ADGRL2: variants seen among roughly 807,000 people sequenced by gnomAD.
ADGRL2 encodes calcium-independent alpha-latrotoxin receptor 2.
A neutral mutation model predicts 157.4 loss-of-function variants in ADGRL2; 44 were observed. That is an observed-to-expected ratio of 0.28 (90% CI 0.22 to 0.36). The LOEUF is 0.36. Ranked by LOEUF, ADGRL2 falls within the 10% of genes least tolerant of loss-of-function variation. ADGRL2 has a pLI of 1.00. For synonymous variants in ADGRL2, 585 were observed against 624.7 expected, an observed-to-expected ratio of 0.94 and a Z score of 0.95; for missense variants, 1,510 against 1,768.9, an observed-to-expected ratio of 0.85 and a Z score of 2.63.
At chr1:81,985,541 C>G (rs1454330611) in intron 21 of ADGRL2, 186 bp downstream of exon 21, 4 of 376,092 alleles carry the variant, frequency 1.1e-5, no homozygotes, top group Non-Finnish European at 1.9e-5. Flanking sequence ...CAGATTTATC[C>G]TTTCTGACCA....
intron 2 of ADGRL2, among the ~76,000 whole-genome samples, chr1:81,475,508 G>C (rs1044788297): frequency 6.6e-5 from 10 of 152,106 alleles, no homozygotes; most frequent in African/African-American, 2.4e-4. Flanking sequence ...AAAGAATTAG[G>C]AATACCTATT....
intron 3 of ADGRL2, among the ~76,000 whole-genome samples, chr1:81,586,929 T>A (rs1328480991): frequency 6.6e-6 from 1 of 151,988 alleles, no homozygotes; most frequent in African/African-American, 2.4e-5. Flanking sequence ...AGAGGGAAAG[T>A]TATATAATTC....
chr1:81,435,478 T>G (rs1199319515), intron 1 of ADGRL2, among the ~76,000 whole-genome samples: 2 of 152,228 alleles, frequency 1.3e-5, no homozygotes, highest in African/African-American at 4.8e-5. Context: ...TCAAAACACT[T>G]GGAACTTTGA....
chr1:81,593,966 A>G (rs1202452581), intron 3 of ADGRL2, among the ~76,000 whole-genome samples: 1 of 152,198 alleles, frequency 6.6e-6, no homozygotes, highest in Non-Finnish European at 1.5e-5. Flanking sequence ...AGAGGCTTCT[A>G]TATATTTCTG....
At chr1:81,903,787 A>ATT (rs975550034) in intron 2 of ADGRL2, among the ~76,000 whole-genome samples, 2 of 143,004 alleles carry the variant, frequency 1.4e-5, no homozygotes, top group African/African-American at 5.2e-5. Flanking sequence ...ATATATACAC[A>ATT]TTATATATAT....
At chr1:81,842,353 CTTTTTTTTTTT>C (rs71085377) in intron 2 of ADGRL2, among the ~76,000 whole-genome samples, 1 of 54,952 alleles carries the variant, frequency 1.8e-5, no homozygotes, top group East Asian at 6.3e-4. Flanking sequence ...TCTTTTAGCG[CTTTTTTTTTTT>C]TTTTTTTTTT....
At chr1:81,540,046 C>A (rs1304087572) in intron 2 of ADGRL2, among the ~76,000 whole-genome samples, 1 of 152,048 alleles carries the variant, frequency 6.6e-6, no homozygotes, top group Non-Finnish European at 1.5e-5. Context: ...GGTTGTACTG[C>A]TAACTAGCTT....
At chr1:81,687,976 G>A (rs1389570738) in intron 3 of ADGRL2, among the ~76,000 whole-genome samples, 1 of 152,120 alleles carries the variant, frequency 6.6e-6, no homozygotes, top group Non-Finnish European at 1.5e-5. Context: ...TGTTTTGTTT[G>A]AGGAGGCTGA....
intron 3 of ADGRL2, among the ~76,000 whole-genome samples, chr1:81,607,998 A>G (rs2148659861): frequency 6.6e-6 from 1 of 152,262 alleles, no homozygotes; most frequent in Non-Finnish European, 1.5e-5. Flanking sequence ...ACACCTTCAT[A>G]ATATTTCTCT....
intron 17 of ADGRL2, among the ~76,000 whole-genome samples, chr1:81,975,247 G>A (rs1196684544): frequency 6.6e-6 from 1 of 152,058 alleles, no homozygotes; most frequent in Non-Finnish European, 1.5e-5. Context: ...TGGCTTCTGT[G>A]TGGATAATTG....
At position 81,563,225 on chromosome 1, in the gene ADGRL2, T is replaced by A. The variant is rs568451548; in HGVS notation, c.-247-17651T>A. Among the ~76,000 whole-genome samples, 55 of 152,330 alleles carry A rather than the reference T, an allele frequency of 3.6e-4. No individual in the cohort carries two copies. In the Middle Eastern group the frequency reaches 0.01, roughly 28 times the overall value. ...AAAATCATTGTAACTTGGCTTCAAT[T>A]TGTAAGGCATTACACATCAGTTATT... On this transcript the variant is annotated intron_variant, in intron 2 of 24. Coordinates refer to the ADGRL2 transcript ENST00000370721.
chr1:81,975,086 C>T (rs1486430713), intron 17 of ADGRL2, among the ~76,000 whole-genome samples: 1 of 151,946 alleles, frequency 6.6e-6, no homozygotes, highest in Non-Finnish European at 1.5e-5. Context: ...CACACACCTG[C>T]ACACAGACAC....
intron 3 of ADGRL2, among the ~76,000 whole-genome samples, chr1:81,932,455 ATCACTTGTTTTCTGTT>A (rs1274014108): frequency 6.6e-6 from 1 of 152,188 alleles, no homozygotes; most frequent in African/African-American, 2.4e-5. Context: ...AGTTGTACTC[ATCACTTGTTTTCTGTT>A]TCACTTGTTT....
chr1:81,785,214 A>C (rs2086987533), intron 2 of ADGRL2, among the ~76,000 whole-genome samples: 1 of 152,160 alleles, frequency 6.6e-6, no homozygotes, highest in Non-Finnish European at 1.5e-5. Flanking sequence ...TAATTATTTA[A>C]TAAAGTGGTA....
chr1:81,770,851 T>A (rs2086340457), intron 2 of ADGRL2, among the ~76,000 whole-genome samples: 1 of 152,172 alleles, frequency 6.6e-6, no homozygotes, highest in African/African-American at 2.4e-5. Context: ...TACAAAATAT[T>A]TTTAAATTAT....
intron 3 of ADGRL2, among the ~76,000 whole-genome samples, chr1:81,655,854 T>C (rs1161656274): frequency 6.6e-6 from 1 of 152,140 alleles, no homozygotes; most frequent in African/African-American, 2.4e-5. Flanking sequence ...ATTTGTGCCA[T>C]CTACAGTAGA....
chr1:81,484,152 A>G (rs1024101399), intron 2 of ADGRL2, among the ~76,000 whole-genome samples: 1 of 152,190 alleles, frequency 6.6e-6, no homozygotes, highest in Non-Finnish European at 1.5e-5. Flanking sequence ...TTATAAATCA[A>G]AATTTAAGAA....
rs573249826 is a variant in ADGRL2 at position 81,919,401 on chromosome 1, C to T, written c.287+12171C>T. Among the ~76,000 whole-genome samples, 12 of 152,062 alleles carry T rather than the reference C, an allele frequency of 7.9e-5. 1 individual carries two copies. The highest frequency in any genetic ancestry group is 1.6e-4 in the Non-Finnish European group (11 of 67,934). Reference sequence around the variant, plus strand: ...TATACTTTGCTTTTATACTCTCCTCCCCCTTCTTCTCCTCCTAATTTTTGG... The same window carrying T: ...TATACTTTGCTTTTATACTCTCCTCTCCCTTCTTCTCCTCCTAATTTTTGG... On this transcript the variant is annotated intron_variant, in intron 3 of 23. Coordinates refer to ENST00000686636, the MANE Select transcript of ADGRL2 (RefSeq NM_001366006.2).
intron 3 of ADGRL2, among the ~76,000 whole-genome samples, chr1:81,635,250 G>A (rs547903966): frequency 1.1e-4 from 16 of 152,092 alleles, no homozygotes; most frequent in Non-Finnish European, 2.1e-4. Flanking sequence ...CCCCTCTGGT[G>A]CTTCCTGGGG....
Sources: allele counts gnomAD v4.1 joint callset (sites outside exome capture counted in the v4.1 genomes callset), GRCh38; gene constraint gnomAD v4.1.1; transcripts MANE v1.5; gene names NCBI Gene and HGNC (gene_info 2026-07-23, HGNC 2026-07-21).